EML6: variants seen among roughly 807,000 people sequenced by gnomAD.
The protein encoded by EML6 is echinoderm microtubule-associated protein-like 6.
A neutral mutation model predicts 240.1 loss-of-function variants in EML6; 154 were observed. The ratio of observed to expected loss-of-function variants is 0.64; its 90% CI spans 0.56 to 0.73. EML6 has a LOEUF of 0.73. Among genes scored for constraint, EML6 ranks in the 30% least tolerant of loss-of-function variants. The probability of loss-of-function intolerance (pLI) is 0.00; values close to 1 mark genes in which losing one functional copy is unlikely to be tolerated. For missense variants in EML6, 2,964 were observed against 2,474.6 expected, an observed-to-expected ratio of 1.20 and a Z score of -4.20; for synonymous variants, 1,148 against 899.0, an observed-to-expected ratio of 1.28 and a Z score of -4.95.
At chr2:54,852,907 C>A (rs1337240758) in intron 10 of EML6, among the ~76,000 whole-genome samples, 2 of 152,240 alleles carry the variant, frequency 1.3e-5, no homozygotes, top group African/African-American at 4.8e-5. Flanking sequence ...CTCTGGGGAA[C>A]ATCCCTGACC....
At chr2:54,861,740 C>T (rs974987600) in intron 12 of EML6, among the ~76,000 whole-genome samples, 1 of 151,238 alleles carries the variant, frequency 6.6e-6, no homozygotes, top group Non-Finnish European at 1.5e-5. Context: ...TATACAAGGC[C>T]AGTCTGACGA....
rs541099050 is a variant in EML6 at position 54,874,298 on chromosome 2, C to G, written c.2344+2693C>G. On this transcript the variant is annotated intron_variant, in intron 16 of 41. Transcript: ENST00000356458. ...TAAGTGAGCTTAGAAACCTTTTTCC[C>G]ATAAGGCAGCCCTTCAGATCAGTGC... 8.5e-5 allele frequency among the ~76,000 whole-genome samples: 13 copies of G among 152,278 alleles called. No homozygotes were observed. In the South Asian group the frequency reaches 2.3e-3, roughly 27 times the overall value.
At chr2:54,908,034 G>A (rs147126087) in intron 24 of EML6, among the ~76,000 whole-genome samples, 1 of 151,972 alleles carries the variant, frequency 6.6e-6, no homozygotes, top group Admixed American at 6.6e-5. Context: ...AAGGAGTGGT[G>A]ACCTAAATAT....
chr2:54,750,650 T>G (rs1684119681), intron 2 of EML6, among the ~76,000 whole-genome samples: 2 of 152,162 alleles, frequency 1.3e-5, no homozygotes, highest in Non-Finnish European at 1.5e-5. Context: ...GCTGGCCGAT[T>G]TTTTTGAACC....
At chr2:54,790,724 C>CTTTTTTT (rs368684488) in intron 2 of EML6, among the ~76,000 whole-genome samples, 2 of 123,302 alleles carry the variant, frequency 1.6e-5, no homozygotes, top group East Asian at 4.7e-4. Flanking sequence ...CTTAATTTTC[C>CTTTTTTT]TTTTTTTTTT....
chr2:54,925,389 C>T (rs1329819478), intron 26 of EML6, among the ~76,000 whole-genome samples: 3 of 152,202 alleles, frequency 2.0e-5, no homozygotes, highest in Non-Finnish European at 4.4e-5. Context: ...ACTAATGTCC[C>T]ATGCCATTGC....
chr2:54,731,382 G>T (rs1426643772), intron 2 of EML6, among the ~76,000 whole-genome samples: 1 of 152,134 alleles, frequency 6.6e-6, no homozygotes, highest in Admixed American at 6.5e-5. Context: ...GCTCACTCCT[G>T]TCATCCCAGC....
rs1251777422 is a variant in EML6 at position 54,774,918 on chromosome 2, A to T, written c.198-38314A>T. On this transcript the variant is annotated intron_variant, in intron 2 of 41. Coordinates refer to ENST00000356458, the MANE Select transcript of EML6 (RefSeq NM_001039753.4). The surrounding 1 kb of genome is among the most constrained non-coding windows in gnomAD (Gnocchi z 4.1). ...TGGAAATACAGAAAGTGCTTACAAC[A>T]TGTAAAATTCTGTATTGTTGACATT... 6.6e-6 allele frequency among the ~76,000 whole-genome samples: 1 copy of T among 152,260 alleles called. No individual in the cohort carries two copies. The highest frequency in any genetic ancestry group is 1.5e-5 in the Non-Finnish European group (1 of 68,048).
intron 16 of EML6, among the ~76,000 whole-genome samples, chr2:54,874,409 C>A (rs982437807): frequency 2.0e-5 from 3 of 152,160 alleles, no homozygotes; most frequent in African/African-American, 7.2e-5. Context: ...CACATAAATT[C>A]CCAAATATGA....
At chr2:54,895,465 T>G (rs1672714857) in intron 21 of EML6, 65 bp downstream of exon 21, 9 of 1,509,618 alleles carry the variant, frequency 6.0e-6, no homozygotes, top group Non-Finnish European at 8.1e-6. Flanking sequence ...GAGGCAAAGT[T>G]GATGCTTAGG....
chr2:54,837,375 G>A (rs975911668), intron 7 of EML6, among the ~76,000 whole-genome samples: 7 of 152,054 alleles, frequency 4.6e-5, no homozygotes, highest in Admixed American at 2.6e-4. Flanking sequence ...TTTCCTCATC[G>A]GTTCAGCACG....
rs372346934 is a variant in EML6 at position 54,745,777 on chromosome 2, T to A, written c.197+20519T>A. Among the ~76,000 whole-genome samples, 19 of 152,128 alleles carry A rather than the reference T, an allele frequency of 1.2e-4. No homozygotes were observed. The East Asian group carries it at 1.5e-3, about 12-fold the overall frequency. The stretch of plus-strand genomic sequence containing the variant: ...GCCTGGGTGACAGAGCAAGACCCTA[T>A]CTCAAAAATAAAAAGAGCTTAAGAT... On this transcript the variant is annotated intron_variant, in intron 2 of 41. Transcript: ENST00000356458.
intron 11 of EML6, among the ~76,000 whole-genome samples, chr2:54,858,429 G>A (rs182603724): frequency 1.7e-3 from 252 of 152,344 alleles, no homozygotes; most frequent in South Asian, 0.014. Flanking sequence ...AAGCAAAGAA[G>A]AGGCCAACAC....
At chr2:54,794,676 C>A (rs1669657563) in intron 2 of EML6, among the ~76,000 whole-genome samples, 1 of 152,128 alleles carries the variant, frequency 6.6e-6, no homozygotes, top group South Asian at 2.1e-4. Context: ...AAAGGCTGGG[C>A]CACCTGTAAA....
chr2:54,955,241 T>A (rs1308340457), intron 32 of EML6, among the ~76,000 whole-genome samples: 1 of 152,186 alleles, frequency 6.6e-6, no homozygotes, highest in African/African-American at 2.4e-5. Context: ...AGTGGCCAAC[T>A]GATTGACCAG....
intron 7 of EML6, among the ~76,000 whole-genome samples, chr2:54,843,574 G>T (rs1335592531): frequency 6.6e-6 from 1 of 152,128 alleles, no homozygotes; most frequent in African/African-American, 2.4e-5. Flanking sequence ...GCTGGGCGTG[G>T]TGGCTCATGC....
intron 17 of EML6, chr2:54,882,799 A>T (rs763464185): frequency 7.1e-6 from 1 of 139,930 alleles, no homozygotes; most frequent in South Asian, 2.4e-4. Flanking sequence ...CGGAGCTTGC[A>T]GTGAGCCGAG....
chr2:54,787,298 G>T (rs559183261), intron 2 of EML6, among the ~76,000 whole-genome samples: 79 of 152,154 alleles, frequency 5.2e-4, no homozygotes, highest in South Asian at 1.0e-3. Context: ...TGAGGGTTGG[G>T]GGGGGGTCTT....
intron 16 of EML6, 138 bp downstream of exon 16, chr2:54,871,743 T>A: frequency 1.5e-6 from 1 of 679,618 alleles, no homozygotes; most frequent in Non-Finnish European, 2.6e-6. Context: ...TGTATTGAAG[T>A]ACAAGCTCTT....
Sources: gnomAD v4.1 joint callset for allele counts (sites outside exome capture counted in the v4.1 genomes callset) on GRCh38, gnomAD v4.1.1 for gene constraint, Gnocchi (gnomAD v3.1) non-coding constraint, MANE v1.5 for transcripts, NCBI Gene and HGNC (gene_info 2026-07-23, HGNC 2026-07-21) for gene names.